DAAM1: variants seen among roughly 807,000 people sequenced by gnomAD.
The protein encoded by DAAM1 is disheveled-associated activator of morphogenesis 1.
DAAM1 carries 52 observed loss-of-function variants against 130.0 expected under a neutral mutation model. That is an observed-to-expected ratio of 0.40 (90% CI 0.32 to 0.50). The LOEUF (loss-of-function observed/expected upper bound fraction) is 0.50, where lower values mean the gene tolerates loss of function less well. DAAM1 is among the 20% of genes least tolerant of loss of function. DAAM1 has a pLI of 0.61. For synonymous variants in DAAM1, 452 were observed against 444.5 expected (o/e 1.02, Z -0.21); for missense variants, 1,134 against 1,303.8 (o/e 0.87, Z 2.01).
At chr14:59,335,807 G>A (rs1885604764) in intron 15 of DAAM1, among the ~76,000 whole-genome samples, 1 of 152,054 alleles carries the variant, frequency 6.6e-6, no homozygotes, top group African/African-American at 2.4e-5. Flanking sequence ...TAATACACAA[G>A]ACATTTTGGG....
chr14:59,282,962 T>G (rs2139547313), intron 2 of DAAM1, among the ~76,000 whole-genome samples: 1 of 152,290 alleles, frequency 6.6e-6, no homozygotes, highest in Non-Finnish European at 1.5e-5. Flanking sequence ...ATGAAATACC[T>G]GCCCCTAATT....
intron 4 of DAAM1, among the ~76,000 whole-genome samples, chr14:59,317,725 G>T (rs1566700232): frequency 6.6e-6 from 1 of 152,208 alleles, no homozygotes. Context: ...TGAGACTCCA[G>T]AAAGGTTACC....
chr14:59,212,884 C>A (rs902397098), intron 1 of DAAM1, among the ~76,000 whole-genome samples: 1 of 152,136 alleles, frequency 6.6e-6, no homozygotes, highest in Admixed American at 6.5e-5. Context: ...TCTCACATGA[C>A]CTTGAATTTC....
chr14:59,275,753 A>G (rs1195950592), intron 2 of DAAM1, among the ~76,000 whole-genome samples: 1 of 152,220 alleles, frequency 6.6e-6, no homozygotes, highest in African/African-American at 2.4e-5. Flanking sequence ...ACACTTAACC[A>G]TTGGTAGTAA....
rs189433083 is a variant in DAAM1 at position 59,198,426 on chromosome 14, A to C, written c.-38+9658A>C. 2.0e-5 allele frequency among the ~76,000 whole-genome samples: 3 copies of C among 151,986 alleles called. No individual in the cohort carries two copies. In the East Asian group the frequency reaches 5.8e-4, roughly 30 times the overall value. ...TCAACATATTGGTCAGGCTGGTCTC[A>C]AACTCCTGACCTTGTGATCCGCCTG... is the stretch of plus-strand genomic sequence containing the variant. On this transcript the variant is annotated intron_variant, in intron 1 of 24. Transcript: ENST00000360909.
chr14:59,264,658 CTTTTA>C (rs1882350174), intron 2 of DAAM1: 1 of 150,136 alleles, frequency 6.7e-6, no homozygotes, highest in African/African-American at 2.5e-5. Flanking sequence ...TTTTCTTCAA[CTTTTA>C]TTTTAAGTTC....
intron 15 of DAAM1, 105 bp from the exon 16 acceptor site, chr14:59,339,969 C>T (rs530882986): frequency 6.9e-5 from 62 of 901,176 alleles, no homozygotes; most frequent in Middle Eastern, 2.8e-4. Context: ...CATGTGTATA[C>T]GAGTGTGTGT....
intron 1 of DAAM1, among the ~76,000 whole-genome samples, chr14:59,211,225 GA>G (rs1274672695): frequency 6.6e-6 from 1 of 152,194 alleles, no homozygotes; most frequent in Non-Finnish European, 1.5e-5. Context: ...CCCAGTAACA[GA>G]ATATAATGAA....
chr14:59,298,344 C>T (rs528313909), intron 3 of DAAM1, among the ~76,000 whole-genome samples: 8 of 152,162 alleles, frequency 5.3e-5, no homozygotes, highest in African/African-American at 1.9e-4. Context: ...CTCAATCTCT[C>T]TCTCTCATTG....
chr14:59,215,529 C>T (rs1389433659), intron 1 of DAAM1, among the ~76,000 whole-genome samples: 6 of 152,184 alleles, frequency 3.9e-5, no homozygotes, highest in Non-Finnish European at 7.3e-5. Context: ...TTTCTGCAGG[C>T]GGCAGCCGCT....
intron 3 of DAAM1, among the ~76,000 whole-genome samples, chr14:59,295,590 A>AG: frequency 6.6e-6 from 1 of 152,234 alleles, no homozygotes; most frequent in East Asian, 1.9e-4. Flanking sequence ...GGAGAGCTGA[A>AG]GCCCTCCTGT....
In DAAM1 at chr14:59,369,899, A is replaced by G. The variant is rs1235527037; in HGVS notation, c.*1040A>G. On this transcript the variant is annotated 3_prime_UTR_variant, in exon 25 of 25. Coordinates refer to ENST00000360909, the MANE Select transcript of DAAM1 (RefSeq NM_001270520.2). ...GAATGCACAAAATGTCAACATCAGCAGAGATGCCCAGATCTATTTATCTCT... is the reference window on the plus strand; with the variant it reads ...GAATGCACAAAATGTCAACATCAGCGGAGATGCCCAGATCTATTTATCTCT... 1 of 151,936 alleles carries G rather than the reference A, an allele frequency of 6.6e-6. No homozygotes were observed. The highest frequency in any genetic ancestry group is 1.9e-4 in the East Asian group (1 of 5,200). The allele number at this position is 151,936 out of a possible 1,614,324, so 9.4% of individuals were successfully genotyped here.
At chr14:59,331,964 A>G (rs1885459414) in intron 15 of DAAM1, 44 bp downstream of exon 15, 2 of 1,527,284 alleles carry the variant, frequency 1.3e-6, no homozygotes, top group Admixed American at 1.7e-5. Flanking sequence ...TAGAAAAATC[A>G]TGTCTTATGC....
At chr14:59,274,587 T>C (rs988080682) in intron 2 of DAAM1, among the ~76,000 whole-genome samples, 1 of 152,184 alleles carries the variant, frequency 6.6e-6, no homozygotes, top group African/African-American at 2.4e-5. Flanking sequence ...GCTCAATGAA[T>C]GTTTGTGGCT....
At chr14:59,346,945 C>T (rs1002967474) in intron 16 of DAAM1, among the ~76,000 whole-genome samples, 9 of 152,042 alleles carry the variant, frequency 5.9e-5, no homozygotes, top group East Asian at 1.9e-4. Flanking sequence ...AATCAAGAGT[C>T]GTGGGTTTGT....
At chr14:59,268,689 T>C (rs1439318218) in intron 2 of DAAM1, among the ~76,000 whole-genome samples, 1 of 152,182 alleles carries the variant, frequency 6.6e-6, no homozygotes, top group Non-Finnish European at 1.5e-5. Context: ...AAGTTAAGAG[T>C]CTGTTTAATC....
intron 3 of DAAM1, among the ~76,000 whole-genome samples, chr14:59,302,194 A>G (rs1884200029): frequency 1.3e-5 from 2 of 152,204 alleles, no homozygotes; most frequent in Admixed American, 6.5e-5. Context: ...CCAAACTTGC[A>G]TTTCTTTAGT....
intron 1 of DAAM1, among the ~76,000 whole-genome samples, chr14:59,214,731 C>CT (rs765676944): frequency 2.6e-5 from 4 of 152,072 alleles, no homozygotes; most frequent in Non-Finnish European, 2.9e-5. Flanking sequence ...AGATATACCA[C>CT]ATTTTTTTTT....
chr14:59,292,039 C>A (rs1192155548), intron 3 of DAAM1, among the ~76,000 whole-genome samples: 1 of 152,116 alleles, frequency 6.6e-6, no homozygotes, highest in East Asian at 1.9e-4. Context: ...ACTGTATCTC[C>A]TGAAACAGAG....
Sources: allele counts gnomAD v4.1 joint callset (sites outside exome capture counted in the v4.1 genomes callset), GRCh38; gene constraint gnomAD v4.1.1; transcripts MANE v1.5; gene names NCBI Gene and HGNC (gene_info 2026-07-23, HGNC 2026-07-21).